The following ROBO2 variants were observed in gnomAD, a reference collection of about 807,000 sequenced individuals.
The protein encoded by ROBO2 is roundabout homolog 2.
ROBO2 carries 53 observed loss-of-function variants against 160.8 expected under a neutral mutation model. The observed-to-expected ratio is 0.33, with a 90% confidence interval of 0.26 to 0.41. The LOEUF (loss-of-function observed/expected upper bound fraction) is 0.41. Among genes scored for constraint, ROBO2 ranks in the 10% least tolerant of loss-of-function variants. The probability of loss-of-function intolerance (pLI) is 1.00; values close to 1 mark genes in which losing one functional copy is unlikely to be tolerated. For missense variants in ROBO2, 1,577 were observed against 1,722.4 expected, an observed-to-expected ratio of 0.92 and a Z score of 1.49; for synonymous variants, 664 against 611.7, an observed-to-expected ratio of 1.09 and a Z score of -1.26.
At chr3:77,243,888 T>A (rs1286295822) in intron 2 of ROBO2, among the ~76,000 whole-genome samples, 2 of 152,130 alleles carry the variant, frequency 1.3e-5, no homozygotes, top group East Asian at 3.9e-4. Flanking sequence ...CCTGGCATTC[T>A]CAAAACCTGA....
At chr3:77,476,368 ATGTGTGTGTGTGTGTG>A (rs60219148) in intron 2 of ROBO2, among the ~76,000 whole-genome samples, 18 of 144,218 alleles carry the variant, frequency 1.2e-4, no homozygotes, top group East Asian at 6.2e-4. Flanking sequence ...GTCTGTGGGT[ATGTGTGTGTGTGTGTG>A]TGTGTGTGTG....
intron 2 of ROBO2, among the ~76,000 whole-genome samples, chr3:77,296,891 T>A (rs1440577955): frequency 6.6e-6 from 1 of 152,142 alleles, no homozygotes; most frequent in Non-Finnish European, 1.5e-5. Context: ...CATTCAAGTC[T>A]TTCAGTGGAC....
intron 2 of ROBO2, among the ~76,000 whole-genome samples, chr3:76,630,063 A>G (rs757693787): frequency 6.6e-6 from 1 of 152,184 alleles, no homozygotes; most frequent in Non-Finnish European, 1.5e-5. Context: ...TTTGGTTTGC[A>G]TTCTTCTTCT....
intron 2 of ROBO2, among the ~76,000 whole-genome samples, chr3:76,612,839 G>A (rs1262675776): frequency 6.6e-6 from 1 of 151,912 alleles, no homozygotes; most frequent in East Asian, 1.9e-4. Flanking sequence ...GATCTCCTTT[G>A]TCTCTTTTTG....
intron 2 of ROBO2, among the ~76,000 whole-genome samples, chr3:76,056,190 C>A (rs1024397946): frequency 6.6e-5 from 10 of 151,998 alleles, no homozygotes; most frequent in African/African-American, 2.4e-4. Flanking sequence ...TTAAAGTATA[C>A]GGGAGGATGC....
chr3:77,539,649 T>C (rs977694450), intron 6 of ROBO2, among the ~76,000 whole-genome samples: 1 of 152,186 alleles, frequency 6.6e-6, no homozygotes, highest in African/African-American at 2.4e-5. Context: ...TCCGAGGCAT[T>C]CATTTAGTGT....
At chr3:77,534,020 A>C (rs541382968) in intron 6 of ROBO2, among the ~76,000 whole-genome samples, 1 of 151,998 alleles carries the variant, frequency 6.6e-6, no homozygotes, top group Non-Finnish European at 1.5e-5. Context: ...GGATCATGGG[A>C]TGGGCTCTCA....
At chr3:77,647,994 G>A (rs1388185783) in exon 26 of ROBO2, 1 of 152,098 alleles carries the variant, frequency 6.6e-6, no homozygotes, top group Non-Finnish European at 1.5e-5. Flanking sequence ...GCTTTTTGGT[G>A]CCATGTAATT....
At chr3:77,324,320 G>A (rs1252602183) in intron 2 of ROBO2, among the ~76,000 whole-genome samples, 1 of 152,140 alleles carries the variant, frequency 6.6e-6, no homozygotes. Context: ...GCTACTAAAA[G>A]GTCTTTACCA....
intron 2 of ROBO2, among the ~76,000 whole-genome samples, chr3:76,925,065 G>A (rs2076893207): frequency 6.6e-6 from 1 of 151,494 alleles, no homozygotes; most frequent in African/African-American, 2.4e-5. Flanking sequence ...AAAATTAGCC[G>A]GGCGTAGTGG....
At chr3:76,038,642 C>A (rs1430373664) in intron 2 of ROBO2, among the ~76,000 whole-genome samples, 1 of 151,872 alleles carries the variant, frequency 6.6e-6, no homozygotes, top group Non-Finnish European at 1.5e-5. Context: ...CCTTGTCCTA[C>A]CATGCTTCTC....
At chr3:77,293,220 G>C (rs905308923) in intron 2 of ROBO2, among the ~76,000 whole-genome samples, 2 of 151,082 alleles carry the variant, frequency 1.3e-5, no homozygotes, top group African/African-American at 4.9e-5. Flanking sequence ...GGTAAGCTGA[G>C]GCTAGATCAC....
intron 2 of ROBO2, among the ~76,000 whole-genome samples, chr3:76,307,336 A>G (rs945344731): frequency 2.0e-5 from 3 of 152,152 alleles, no homozygotes; most frequent in Non-Finnish European, 4.4e-5. Context: ...CTTCACTTTA[A>G]TATATACCTC....
exon 1 of ROBO2, chr3:77,040,165 G>A (rs986527059): frequency 4.1e-6 from 4 of 985,552 alleles, no homozygotes; most frequent in South Asian, 4.7e-5. Flanking sequence ...GGAAACCGGA[G>A]AGGTGGAGGG....
intron 5 of ROBO2, among the ~76,000 whole-genome samples, chr3:77,515,784 T>G (rs1479872277): frequency 6.6e-6 from 1 of 151,674 alleles, no homozygotes; most frequent in Non-Finnish European, 1.5e-5. Flanking sequence ...GCCAGAAGAC[T>G]TAGATTCCAA....
chr3:76,247,861 A>G (rs1705716403), intron 2 of ROBO2, among the ~76,000 whole-genome samples: 2 of 151,928 alleles, frequency 1.3e-5, no homozygotes, highest in Admixed American at 1.3e-4. Flanking sequence ...AAAAGAAGAC[A>G]TTTATGCAGC....
intron 2 of ROBO2, among the ~76,000 whole-genome samples, chr3:76,441,766 T>A (rs564713300): frequency 9.8e-5 from 15 of 152,320 alleles, no homozygotes; most frequent in Middle Eastern, 3.4e-3. Flanking sequence ...AATTTTCATG[T>A]TAATAATAAG....
At chr3:77,371,540 A>T (rs1210865706) in intron 2 of ROBO2, among the ~76,000 whole-genome samples, 1 of 152,198 alleles carries the variant, frequency 6.6e-6, no homozygotes, top group African/African-American at 2.4e-5. Context: ...GTTAAATAAG[A>T]GGATCTGTAG....
At chr3:76,059,359 G>A (rs1202316287) in intron 2 of ROBO2, among the ~76,000 whole-genome samples, 1 of 152,020 alleles carries the variant, frequency 6.6e-6, no homozygotes, top group Non-Finnish European at 1.5e-5. Context: ...GTGTGAGATG[G>A]TATCTCATTG....
Sources: allele counts gnomAD v4.1 joint callset (sites outside exome capture counted in the v4.1 genomes callset), GRCh38; gene constraint gnomAD v4.1.1; transcripts MANE v1.5; gene names NCBI Gene and HGNC (gene_info 2026-07-23, HGNC 2026-07-21).